The following RAI1 variants were observed in gnomAD, a reference collection of about 807,000 sequenced individuals.
RAI1 encodes the protein retinoic acid induced 1, also known as retinoic acid-induced protein 1.
In RAI1, 9 loss-of-function variants were observed where a neutral mutation model predicts 123.8. The observed-to-expected ratio is 0.07, with a 90% CI of 0.04 to 0.13. RAI1 has a LOEUF of 0.13. Ranked by LOEUF, RAI1 falls within the 10% of genes least tolerant of loss-of-function variation. The probability of loss-of-function intolerance (pLI) is 1.00; values close to 1 mark genes in which losing one functional copy is unlikely to be tolerated. For missense variants in RAI1, 2,256 were observed against 2,545.8 expected (o/e 0.89, Z 2.45); for synonymous variants, 1,231 against 1,127.3 (o/e 1.09, Z -1.84).
At chr17:17,684,976 G>A (rs371522404) in intron 1 of RAI1, 2 of 152,216 alleles carry the variant, frequency 1.3e-5, no homozygotes, top group South Asian at 4.1e-4. Flanking sequence ...CGGTACTGAA[G>A]TAAAGATGCA....
At chr17:17,706,339 C>G (rs901154837) in intron 1 of RAI1, among the ~76,000 whole-genome samples, 3 of 152,158 alleles carry the variant, frequency 2.0e-5, no homozygotes, top group Non-Finnish European at 2.9e-5. Flanking sequence ...TGGAGGGGGA[C>G]TTTGGTCCCT....
chr17:17,745,820 G>A (rs1039397284), intron 2 of RAI1, among the ~76,000 whole-genome samples: 2 of 152,202 alleles, frequency 1.3e-5, no homozygotes, highest in Non-Finnish European at 2.9e-5. Flanking sequence ...TGGAGTCCAG[G>A]CCAGGCAGGG....
At chr17:17,790,423 C>G (rs1265658378) in intron 2 of RAI1, among the ~76,000 whole-genome samples, 1 of 152,198 alleles carries the variant, frequency 6.6e-6, no homozygotes, top group African/African-American at 2.4e-5. Context: ...TTCACCGCAT[C>G]CAGCTGCTCG....
At position 17,779,328 on chromosome 17, in the gene RAI1, G is replaced by A. The variant is rs530161719; in HGVS notation, c.-16-13605G>A. The A allele has an allele frequency of 4.5e-5, 10 of 220,920 alleles. No homozygotes were observed. In the South Asian group the frequency reaches 4.7e-4, roughly 10 times the overall value. 13.7% of individuals were successfully genotyped at this position (220,920 alleles called of 1,614,324 possible). A position where few individuals can be genotyped will look rare whatever the true frequency, so the allele number is the denominator to read the frequency against. ...CCACCCAGGGAGCGCTGGGGGCAGC[G>A]GGGCGGCCATCCTAGGCCCGTAGTA... On this transcript the variant is annotated intron_variant, in intron 2 of 5. Coordinates refer to ENST00000353383, the MANE Select transcript of RAI1 (RefSeq NM_030665.4).
intron 2 of RAI1, among the ~76,000 whole-genome samples, chr17:17,747,231 A>G (rs1326577570): frequency 1.3e-5 from 2 of 152,078 alleles, no homozygotes; most frequent in East Asian, 3.9e-4. Flanking sequence ...GAAGAAATGG[A>G]GACAGCTCAC....
At position 17,793,171 on chromosome 17, in the gene RAI1, G is replaced by T. The variant is rs566875015; in HGVS notation, c.223G>T (p.Ala75Ser). ...TPSGTAAAVA[A>S]DKYHRGSKAL... ...CTCTGGCACTGCAGCCGCGGTGGCC[G>T]CCGACAAGTACCACCGAGGCAGCAA... is the stretch of plus-strand genomic sequence containing the variant. The change falls in exon 3 of 6, where the codon GCC becomes TCC. Residue 75 changes from alanine to serine, a missense_variant. Ala to Ser is a moderately conservative substitution (Grantham distance 99, BLOSUM62 1). Coordinates refer to ENST00000353383, the MANE Select transcript of RAI1 (RefSeq NM_030665.4). 5.6e-4 allele frequency: 900 copies of T among 1,613,190 alleles called. 21 individuals carry two copies. In the South Asian group the frequency reaches 9.5e-3, roughly 17 times the overall value.
intron 1 of RAI1, among the ~76,000 whole-genome samples, chr17:17,711,907 A>G (rs1915578014): frequency 6.6e-6 from 1 of 152,232 alleles, no homozygotes; most frequent in Non-Finnish European, 1.5e-5. Context: ...CCCCAGGCCC[A>G]GCCCTTTAGT....
intron 1 of RAI1, among the ~76,000 whole-genome samples, chr17:17,692,381 A>C (rs1239684877): frequency 6.6e-6 from 1 of 152,222 alleles, no homozygotes; most frequent in African/African-American, 2.4e-5. Context: ...GGGATGGAGA[A>C]AAGCCAGCAT....
In RAI1 at chr17:17,758,268, A is replaced by G. The variant is rs184318002; in HGVS notation, c.-17+34109A>G. ...CCGGCCACCACCTGGGCACTCAGCA[A>G]ACCCTCTCCAGGGGATGGGCGGGGA... is the stretch of plus-strand genomic sequence containing the variant. On this transcript the variant is annotated intron_variant, in intron 2 of 5. Coordinates refer to ENST00000353383, the MANE Select transcript of RAI1 (RefSeq NM_030665.4). 1.1e-4 allele frequency among the ~76,000 whole-genome samples: 17 copies of G among 152,302 alleles called. No individual in the cohort carries two copies. In the East Asian group the frequency reaches 3.1e-3, roughly 28 times the overall value.
At chr17:17,782,131 G>C (rs930906929) in intron 2 of RAI1, 1 of 151,934 alleles carries the variant, frequency 6.6e-6, no homozygotes, top group Non-Finnish European at 1.5e-5. Context: ...TCTTTTCCAG[G>C]CTGAGATTTA....
intron 2 of RAI1, among the ~76,000 whole-genome samples, chr17:17,756,503 A>AT (rs1052843809): frequency 1.3e-5 from 2 of 152,020 alleles, no homozygotes; most frequent in African/African-American, 2.4e-5. Flanking sequence ...GCATGAATGA[A>AT]TTTTTTTATT....
intron 2 of RAI1, among the ~76,000 whole-genome samples, chr17:17,738,654 G>A (rs986229388): frequency 6.6e-6 from 1 of 152,204 alleles, no homozygotes; most frequent in Non-Finnish European, 1.5e-5. Flanking sequence ...TGGGGTAAAC[G>A]TAGCAACTGC....
At chr17:17,745,179 G>A (rs2142975705) in intron 2 of RAI1, among the ~76,000 whole-genome samples, 2 of 152,222 alleles carry the variant, frequency 1.3e-5, no homozygotes, top group African/African-American at 4.8e-5. Context: ...GTGTGAACTG[G>A]GACTCCACAG....
intron 2 of RAI1, among the ~76,000 whole-genome samples, chr17:17,754,469 C>T (rs944845185): frequency 6.6e-6 from 1 of 152,160 alleles, no homozygotes; most frequent in Non-Finnish European, 1.5e-5. Context: ...CTCCCGACTT[C>T]GGGTGATCCG....
In RAI1 at chr17:17,723,345, C is replaced by G. The variant is rs561702263; in HGVS notation, c.-148-683C>G. On this transcript the variant is annotated intron_variant, in intron 1 of 5. Coordinates refer to ENST00000353383, the MANE Select transcript of RAI1 (RefSeq NM_030665.4). ...TTCACTAGCTTGTATCCAGACCCCC[C>G]CCCCCAAGCCCCGTGACATTCACTC... 2.9e-3 allele frequency among the ~76,000 whole-genome samples: 440 copies of G among 150,066 alleles called. 4 individuals are homozygous for G. The highest frequency in any genetic ancestry group is 0.012 in the East Asian group (59 of 4,970).
At chr17:17,780,410 T>C (rs1429855675) in intron 2 of RAI1, among the ~76,000 whole-genome samples, 2 of 152,060 alleles carry the variant, frequency 1.3e-5, no homozygotes, top group African/African-American at 4.8e-5. Flanking sequence ...TCTGAAATTT[T>C]CAGGGGGAAC....
intron 3 of RAI1, among the ~76,000 whole-genome samples, chr17:17,803,173 T>C (rs565680630): frequency 3.3e-5 from 5 of 150,272 alleles, no homozygotes; most frequent in Non-Finnish European, 7.4e-5. Context: ...AGATGCTGGC[T>C]GGTAGCCACA....
At position 17,735,180 on chromosome 17, in the gene RAI1, G is replaced by A. The variant is rs999007841; in HGVS notation, c.-17+11021G>A. 3.3e-5 allele frequency among the ~76,000 whole-genome samples: 5 copies of A among 151,818 alleles called. No individual in the cohort carries two copies. The South Asian group carries it at 1.0e-3, about 32-fold the overall frequency. On this transcript the variant is annotated intron_variant, in intron 2 of 5. Coordinates refer to ENST00000353383, the MANE Select transcript of RAI1 (RefSeq NM_030665.4). ...CAATTGTCCTGCCTCAGCCTCCCAA[G>A]TAGCTGGGATTACAGGCTCCCACCA...
At chr17:17,773,496 C>T (rs575185221) in intron 2 of RAI1, among the ~76,000 whole-genome samples, 4 of 152,310 alleles carry the variant, frequency 2.6e-5, no homozygotes, top group African/African-American at 4.8e-5. Flanking sequence ...CAAATCTAAA[C>T]GTTGCTGCTC....
Sources: gnomAD v4.1 joint callset for allele counts (sites outside exome capture counted in the v4.1 genomes callset) on GRCh38, gnomAD v4.1.1 for gene constraint, MANE v1.5 for transcripts, NCBI Gene and HGNC (gene_info 2026-07-23, HGNC 2026-07-21) for gene names.